Variants in GNB1 observed in about 807,000 individuals in gnomAD.
GNB1 encodes G protein subunit beta 1.
GNB1 carries 2 observed loss-of-function variants against 42.9 expected under a neutral mutation model. That is an observed-to-expected ratio of 0.05 (90% CI 0.02 to 0.15). The LOEUF (loss-of-function observed/expected upper bound fraction) is 0.15, where lower values mean the gene tolerates loss of function less well. Among genes scored for constraint, GNB1 ranks in the 10% least tolerant of loss-of-function variants. The probability of loss-of-function intolerance (pLI) is 1.00; values close to 1 mark genes in which losing one functional copy is unlikely to be tolerated. For missense variants in GNB1, 193 were observed against 462.2 expected (o/e 0.42, Z 5.34); for synonymous variants, 183 against 174.7 (o/e 1.05, Z -0.38).
At chr1:1,801,160 T>C (rs532797328) in intron 7 of GNB1, among the ~76,000 whole-genome samples, 22 of 152,356 alleles carry the variant, frequency 1.4e-4, no homozygotes, top group Admixed American at 8.5e-4. Flanking sequence ...CCTGAGCAGC[T>C]GGGACTACAA....
intron 1 of GNB1, among the ~76,000 whole-genome samples, chr1:1,856,592 T>A (rs1282547288): frequency 2.0e-5 from 3 of 152,128 alleles, no homozygotes; most frequent in Non-Finnish European, 4.4e-5. Context: ...GACGCCCAGC[T>A]AACTTTTGTA....
chr1:1,805,996 A>T (rs1480658682), intron 6 of GNB1, among the ~76,000 whole-genome samples: 1 of 152,266 alleles, frequency 6.6e-6, no homozygotes, highest in Non-Finnish European at 1.5e-5. Flanking sequence ...CATCTTTTAC[A>T]TACATGTTTG....
At chr1:1,865,402 C>T (rs776711363) in intron 1 of GNB1, among the ~76,000 whole-genome samples, 5 of 146,964 alleles carry the variant, frequency 3.4e-5, no homozygotes, top group East Asian at 4.1e-4. Flanking sequence ...CTGGCTAACA[C>T]GGTGAAACCC....
At chr1:1,789,855 GTCA>G (rs1196549245) in intron 9 of GNB1, among the ~76,000 whole-genome samples, 8 of 152,182 alleles carry the variant, frequency 5.3e-5, no homozygotes, top group Non-Finnish European at 1.0e-4. Flanking sequence ...TGAGAAAGTA[GTCA>G]TCACTGACAG....
intron 6 of GNB1, among the ~76,000 whole-genome samples, 181 bp downstream of exon 6, chr1:1,806,294 C>A (rs934137563): frequency 4.6e-5 from 7 of 152,206 alleles, no homozygotes; most frequent in Non-Finnish European, 7.3e-5. Flanking sequence ...GAGGAAGAGA[C>A]CGTGACAGGT....
intron 2 of GNB1, among the ~76,000 whole-genome samples, chr1:1,828,894 T>TACACACACAC (rs71578341): frequency 2.0e-5 from 3 of 149,846 alleles, no homozygotes; most frequent in Admixed American, 2.0e-4. Flanking sequence ...CATACACACA[T>TACACACACAC]ACACACACAC....
chr1:1,831,502 G>A (rs1376052342), intron 2 of GNB1, among the ~76,000 whole-genome samples: 2 of 152,050 alleles, frequency 1.3e-5, no homozygotes, highest in East Asian at 3.9e-4. Context: ...TGGATGGAGT[G>A]CAATGGCGCG....
In GNB1 at chr1:1,806,620, C is replaced by G. The variant is rs934302044; in HGVS notation, c.204-82G>C. On this transcript the variant is annotated intron_variant, in intron 5 of 11. Transcript: ENST00000378609. Reference sequence around the variant, plus strand: ...AGAGCAACAGACTAAAACCCAGACTCTGGTGGCTTATGTGCTCCCATGTTA... The same window carrying G: ...AGAGCAACAGACTAAAACCCAGACTGTGGTGGCTTATGTGCTCCCATGTTA... The G allele has an allele frequency of 4.8e-5, 43 of 889,526 alleles. No individual in the cohort carries two copies. The South Asian group carries it at 6.3e-4, about 13-fold the overall frequency. 55.1% of individuals were successfully genotyped at this position (889,526 alleles called of 1,614,324 possible).
chr1:1,795,105 C>T (rs1179261095), intron 7 of GNB1, among the ~76,000 whole-genome samples: 1 of 152,210 alleles, frequency 6.6e-6, no homozygotes, highest in Non-Finnish European at 1.5e-5. Flanking sequence ...GGAGGCCACA[C>T]CACAGGGACA....
intron 1 of GNB1, among the ~76,000 whole-genome samples, chr1:1,883,319 GA>G (rs1374211811): frequency 6.8e-6 from 1 of 148,052 alleles, no homozygotes; most frequent in Non-Finnish European, 1.5e-5. Flanking sequence ...AACCTTTCAA[GA>G]AAAGATAAGG....
intron 1 of GNB1, among the ~76,000 whole-genome samples, chr1:1,872,773 T>C (rs941725471): frequency 1.3e-5 from 2 of 152,280 alleles, no homozygotes; most frequent in African/African-American, 2.4e-5. Context: ...CTTCTTCCAG[T>C]TCGCCATCTC....
intron 1 of GNB1, among the ~76,000 whole-genome samples, chr1:1,867,332 G>C (rs1424294261): frequency 6.6e-6 from 1 of 152,192 alleles, no homozygotes. Flanking sequence ...CCTCAGGTTG[G>C]ACAAGCATGA....
intron 3 of GNB1, among the ~76,000 whole-genome samples, chr1:1,823,067 C>A (rs939425358): frequency 6.6e-6 from 1 of 151,434 alleles, no homozygotes; most frequent in Admixed American, 6.6e-5. Context: ...ACGGTGAAAC[C>A]CCATCTCTAC....
chr1:1,853,883 CATATT>C (rs1194514075), intron 1 of GNB1, among the ~76,000 whole-genome samples: 2 of 152,048 alleles, frequency 1.3e-5, no homozygotes, highest in African/African-American at 2.4e-5. Context: ...CATATATAGT[CATATT>C]ATATAACAAC....
At chr1:1,853,648 A>C (rs954448809) in intron 1 of GNB1, among the ~76,000 whole-genome samples, 1 of 152,196 alleles carries the variant, frequency 6.6e-6, no homozygotes, top group Non-Finnish European at 1.5e-5. Flanking sequence ...TTTATAACCC[A>C]TATTCTAAAT....
chr1:1,799,991 C>T (rs1292165216), intron 7 of GNB1, among the ~76,000 whole-genome samples: 1 of 152,246 alleles, frequency 6.6e-6, no homozygotes, highest in East Asian at 1.9e-4. Context: ...AAAAGCTGAA[C>T]AGAGGTTTCT....
chr1:1,818,305 T>TAAAAAAAAAAAAAA (rs70937197), intron 3 of GNB1: 1 of 96,650 alleles, frequency 1.0e-5, no homozygotes, highest in Non-Finnish European at 2.0e-5. Flanking sequence ...AAAGGTCTAT[T>TAAAAAAAAAAAAAA]AAAAAAAAAA....
chr1:1,817,782 G>A (rs1346619334), intron 4 of GNB1, 55 bp downstream of exon 4: 6 of 1,291,900 alleles, frequency 4.6e-6, no homozygotes, highest in African/African-American at 4.4e-5. Flanking sequence ...AGGTGTGGGT[G>A]CCGTGCTAGC....
intron 1 of GNB1, among the ~76,000 whole-genome samples, chr1:1,842,654 T>C (rs906977082): frequency 2.0e-5 from 3 of 152,154 alleles, no homozygotes; most frequent in African/African-American, 4.8e-5. Context: ...CAGTGGACAA[T>C]TATTTAATGG....
Sources: gnomAD v4.1 joint callset for allele counts (sites outside exome capture counted in the v4.1 genomes callset) on GRCh38, gnomAD v4.1.1 for gene constraint, MANE v1.5 for transcripts, NCBI Gene and HGNC (gene_info 2026-07-23, HGNC 2026-07-21) for gene names.